The following SPATA33 variants were observed in gnomAD, a reference collection of about 807,000 sequenced individuals.
SPATA33 encodes spermatogenesis-associated protein 33.
Under a neutral mutation model 8.9 loss-of-function variants are expected in SPATA33, and 10 were observed. The ratio of observed to expected loss-of-function variants is 1.12; its 90% CI spans 0.69 to 1.90. The LOEUF (loss-of-function observed/expected upper bound fraction) is 1.90. Ranked by LOEUF, SPATA33 falls within the 40% of genes most tolerant of loss-of-function variation. The pLI, the probability that SPATA33 is intolerant of heterozygous loss-of-function variation, is 0.00. For missense variants in SPATA33, 241 were observed against 178.3 expected, an observed-to-expected ratio of 1.35 and a Z score of -2.00; for synonymous variants, 96 against 72.8, an observed-to-expected ratio of 1.32 and a Z score of -1.63.
intron 2 of SPATA33, chr16:89,659,932 C>T (rs143448330): frequency 2.0e-5 from 3 of 152,376 alleles, no homozygotes; most frequent in Admixed American, 1.3e-4. Context: ...CGCAACCCCC[C>T]ACCGGAGGAT....
At chr16:89,662,834 C>T (rs150567237) in intron 2 of SPATA33, among the ~76,000 whole-genome samples, 55 of 152,116 alleles carry the variant, frequency 3.6e-4, no homozygotes, top group Non-Finnish European at 7.1e-4. Context: ...TGCTCTGTTG[C>T]CCAGGCTGGA....
intron 2 of SPATA33, 122 bp from the exon 3 acceptor site, chr16:89,669,164 A>C (rs1271058220): frequency 1.2e-6 from 1 of 857,416 alleles, no homozygotes; most frequent in Admixed American, 2.1e-5. Flanking sequence ...TTTTGGACTC[A>C]CCCATTTTTT....
chr16:89,658,337 G>C lies in SPATA33; in HGVS notation c.127G>C (p.Asp43His), dbSNP rs149646248. The change falls in exon 2 of 3, where the codon GAC (aspartate) becomes CAC (histidine). Residue 43 changes from aspartate to histidine, a missense_variant. Physicochemically the swap from Asp to His is moderately conservative, Grantham distance 81. Transcript: ENST00000579310. ...GCATTCCCAGGAAGCCAGGCAGGCA[G>C]ACAGGGAGTCGGAGAAGCCTGTGGA... ...EKHSQEARQA[D>H]RESEKPVDSL... 6.2e-7 allele frequency: 1 copy of C among 1,614,034 alleles called. No individual in the cohort carries two copies. The highest frequency in any genetic ancestry group is 8.5e-7 in the Non-Finnish European group (1 of 1,180,040).
intron 2 of SPATA33, chr16:89,660,966 C>T (rs1568011456): frequency 9.9e-7 from 1 of 1,006,218 alleles, no homozygotes; most frequent in East Asian, 9.8e-5. Context: ...AGTGTCCAGC[C>T]CCAAGAGCTT....
chr16:89,657,805 G>A (rs142356394), upstream of SPATA33: 2 of 1,489,936 alleles, frequency 1.3e-6, no homozygotes, highest in East Asian at 2.7e-5. Context: ...GGTCGCCATG[G>A]TGACGCACGC....
chr16:89,663,577 C>G (rs2151529885), intron 2 of SPATA33, among the ~76,000 whole-genome samples: 1 of 152,008 alleles, frequency 6.6e-6, no homozygotes, highest in Admixed American at 6.6e-5. Context: ...CTCTGAATGA[C>G]AAAATTATAG....
At chr16:89,665,697 A>T (rs1157054946) in intron 2 of SPATA33, among the ~76,000 whole-genome samples, 1 of 152,228 alleles carries the variant, frequency 6.6e-6, no homozygotes, top group Non-Finnish European at 1.5e-5. Flanking sequence ...TAGTGTAAAT[A>T]CGTTAACTTC....
In SPATA33 at chr16:89,658,283, C is replaced by T. The variant is rs745841132; in HGVS notation, c.73C>T (p.Pro25Ser). 12 of 1,614,072 alleles carry T rather than the reference C, an allele frequency of 7.4e-6. No individual in the cohort carries two copies. The Admixed American group carries it at 1.2e-4, about 16-fold the overall frequency. The change falls in exon 2 of 3, where the codon CCA (proline) becomes TCA (serine). Residue 25 changes from proline to serine, a missense_variant. Physicochemically the swap from Pro to Ser is moderately conservative, Grantham distance 74. Transcript: ENST00000579310. ...AAAGAAGGGATCCACCTATTCAGTT[C>T]CAAAATCTAAGGAGAAGTTGATGGA... ...EQKKGSTYSVPKSKEKLMEKH... is the reference protein window; with the variant it reads ...EQKKGSTYSVSKSKEKLMEKH...
chr16:89,668,506 G>A (rs1476257282), intron 2 of SPATA33, among the ~76,000 whole-genome samples: 1 of 152,164 alleles, frequency 6.6e-6, no homozygotes, highest in South Asian at 2.1e-4. Context: ...GAGAGAGCCA[G>A]CTCCATCCTG....
In SPATA33 at chr16:89,662,662, G is replaced by A. The variant is rs1212532714; in HGVS notation, c.211+4241G>A. Among the ~76,000 whole-genome samples, 3 of 152,262 alleles carry A rather than the reference G, an allele frequency of 2.0e-5. 1 individual carries two copies. In the South Asian group the frequency reaches 6.2e-4, roughly 32 times the overall value. On this transcript the variant is annotated intron_variant, in intron 2 of 2. Transcript: ENST00000579310. ...GGCTGGCCTCAAACTCCTGGCTTCAGCTGATCCACCCGCCTCGGCCTCCCA... is the reference window on the plus strand; with the variant it reads ...GGCTGGCCTCAAACTCCTGGCTTCAACTGATCCACCCGCCTCGGCCTCCCA...
rs1307436074 is a variant in SPATA33 at position 89,658,661 on chromosome 16, G to A, written c.211+240G>A. On this transcript the variant is annotated intron_variant, in intron 2 of 2. Coordinates refer to ENST00000579310, the MANE Select transcript of SPATA33 (RefSeq NM_001271907.2). ...CCGAGTGATAAGTGCGTACCAGGTG[G>A]TCGAGGGGCTGGGGCAGTGTGCGTG... 6 of 573,800 alleles carry A rather than the reference G, an allele frequency of 1.0e-5. No individual in the cohort carries two copies. In the East Asian group the frequency reaches 1.2e-4, roughly 12 times the overall value. The allele number at this position is 573,800 out of a possible 1,614,324, so 35.5% of individuals were successfully genotyped here.
chr16:89,658,551 G>A (rs896312135), intron 2 of SPATA33, 130 bp downstream of exon 2: 40 of 1,264,470 alleles, frequency 3.2e-5, no homozygotes, highest in Admixed American at 2.5e-4. Flanking sequence ...GATGAAACTG[G>A]TTTGTTTTGG....
rs781428579 is a variant in SPATA33 at position 89,658,375 on chromosome 16, G to A, written c.165G>A (p.Pro55=). 19 of 1,612,710 alleles carry A rather than the reference G, an allele frequency of 1.2e-5. No individual in the cohort carries two copies. The highest frequency in any genetic ancestry group is 1.5e-5 in the Non-Finnish European group (18 of 1,179,758). ...ESEKPVDSLH[P]GAGTAKHPPP... is the part of the protein sequence containing the mutation. ...AGAAGCCTGTGGACAGCCTCCACCC[G>A]GGGGCCGGGACAGCCAAGCACCCGC... Residue 55 remains proline (P), a synonymous_variant, in exon 2 of 3, where the codon CCG becomes CCA. Transcript: ENST00000579310.
At chr16:89,662,690 G>A (rs1479215842) in intron 2 of SPATA33, among the ~76,000 whole-genome samples, 3 of 152,166 alleles carry the variant, frequency 2.0e-5, no homozygotes, top group Non-Finnish European at 2.9e-5. Flanking sequence ...GCCTCCCAAA[G>A]TGCTGAGATC....
intron 2 of SPATA33, among the ~76,000 whole-genome samples, chr16:89,662,008 G>A (rs533481240): frequency 6.6e-6 from 1 of 152,128 alleles, no homozygotes; most frequent in African/African-American, 2.4e-5. Flanking sequence ...AAGATACTCA[G>A]AATGCCAGGC....
intron 2 of SPATA33, chr16:89,661,307 C>G (rs773762882): frequency 1.6e-4 from 112 of 705,404 alleles, no homozygotes; most frequent in Non-Finnish European, 1.9e-4. Flanking sequence ...GCAGGTCTTT[C>G]CTGTGCTGTT....
chr16:89,669,034 G>A (rs771218275), intron 2 of SPATA33, among the ~76,000 whole-genome samples: 21 of 152,102 alleles, frequency 1.4e-4, no homozygotes, highest in Non-Finnish European at 2.5e-4. Context: ...ATCCTGCCAC[G>A]GATAGTGGAA....
chr16:89,658,097 C>T (rs915546606), intron 1 of SPATA33, 149 bp downstream of exon 1: 1 of 1,483,460 alleles, frequency 6.7e-7, no homozygotes, highest in Admixed American at 2.7e-5. Context: ...CCACGGACGG[C>T]GCGTTTCCCG....
At chr16:89,661,558 G>C (rs956539225) in intron 2 of SPATA33, 12 of 152,194 alleles carry the variant, frequency 7.9e-5, no homozygotes, top group Non-Finnish European at 1.2e-4. Flanking sequence ...GACTAATACA[G>C]ATAGATGTAT....
Sources: gnomAD v4.1 joint callset for allele counts (sites outside exome capture counted in the v4.1 genomes callset) on GRCh38, gnomAD v4.1.1 for gene constraint, MANE v1.5 for transcripts, NCBI Gene and HGNC (gene_info 2026-07-23, HGNC 2026-07-21) for gene names.